Variants in TMTC1 observed in about 807,000 individuals in gnomAD.
TMTC1 encodes the protein protein O-mannosyl-transferase TMTC1.
A neutral mutation model predicts 104.8 loss-of-function variants in TMTC1; 73 were observed. That is an observed-to-expected ratio of 0.70 (90% CI 0.58 to 0.85). TMTC1 has a LOEUF of 0.85. TMTC1 is among the 40% of genes least tolerant of loss of function. TMTC1 has a pLI of 0.00. For missense variants in TMTC1, 1,035 were observed against 1,096.1 expected (o/e 0.94, Z 0.79); for synonymous variants, 434 against 428.7 (o/e 1.01, Z -0.15).
intron 2 of TMTC1, among the ~76,000 whole-genome samples, chr12:29,764,294 T>A (rs1427545144): frequency 6.6e-6 from 1 of 152,202 alleles, no homozygotes; most frequent in East Asian, 1.9e-4. Flanking sequence ...TAGAAACCTG[T>A]CTTTGGAATA....
intron 5 of TMTC1, among the ~76,000 whole-genome samples, chr12:29,686,769 A>G (rs1009299274): frequency 2.0e-5 from 3 of 152,256 alleles, no homozygotes; most frequent in Admixed American, 6.5e-5. Flanking sequence ...TAGAAGTCAG[A>G]CAATCATCTT....
At chr12:29,781,039 T>C (rs1354801594) in intron 1 of TMTC1, among the ~76,000 whole-genome samples, 3 of 152,228 alleles carry the variant, frequency 2.0e-5, no homozygotes, top group Non-Finnish European at 4.4e-5. Flanking sequence ...GAATAGTTAA[T>C]AAATACGGCT....
intron 10 of TMTC1, among the ~76,000 whole-genome samples, chr12:29,547,430 G>A (rs566573537): frequency 6.6e-6 from 1 of 152,296 alleles, no homozygotes; most frequent in East Asian, 1.9e-4. Flanking sequence ...CACAAAAATA[G>A]TTTAATCATT....
intron 5 of TMTC1, among the ~76,000 whole-genome samples, chr12:29,702,427 T>G (rs1941620917): frequency 6.6e-6 from 1 of 152,220 alleles, no homozygotes; most frequent in Non-Finnish European, 1.5e-5. Context: ...GTGGTTGGAC[T>G]TGGGCCTCCA....
chr12:29,549,137 T>G (rs888037157), intron 10 of TMTC1, among the ~76,000 whole-genome samples: 1 of 150,680 alleles, frequency 6.6e-6, no homozygotes, highest in African/African-American at 2.4e-5. Context: ...AACCCATACC[T>G]GTAAACAAAC....
intron 5 of TMTC1, among the ~76,000 whole-genome samples, chr12:29,697,503 G>A (rs1186597345): frequency 6.6e-6 from 1 of 152,202 alleles, no homozygotes; most frequent in Non-Finnish European, 1.5e-5. Context: ...CAGAGAAACA[G>A]AACCAAAGGA....
chr12:29,723,816 A>G (rs528650474), intron 5 of TMTC1, among the ~76,000 whole-genome samples: 6 of 152,340 alleles, frequency 3.9e-5, no homozygotes, highest in African/African-American at 1.4e-4. Flanking sequence ...TCAGTAGTAA[A>G]GAACTGGAGC....
intron 5 of TMTC1, among the ~76,000 whole-genome samples, chr12:29,742,090 G>A (rs904777428): frequency 6.2e-4 from 92 of 149,268 alleles, no homozygotes; most frequent in African/African-American, 1.8e-3. Flanking sequence ...TGAAAACTAT[G>A]AAAAAAAAAA....
At chr12:29,518,741 T>C (rs1381517413) in intron 12 of TMTC1, 134 bp from the exon 13 acceptor site, 3 of 1,130,968 alleles carry the variant, frequency 2.7e-6, no homozygotes, top group East Asian at 2.5e-5. Flanking sequence ...ATATGCAAAT[T>C]AGCTTGCATT....
chr12:29,596,900 C>T (rs1946418332), intron 7 of TMTC1, among the ~76,000 whole-genome samples: 1 of 152,214 alleles, frequency 6.6e-6, no homozygotes, highest in Non-Finnish European at 1.5e-5. Context: ...CCATCCTTAC[C>T]AGTCATGGCT....
intron 7 of TMTC1, among the ~76,000 whole-genome samples, chr12:29,596,981 A>G (rs569883349): frequency 4.6e-5 from 7 of 152,266 alleles, no homozygotes; most frequent in Non-Finnish European, 7.4e-5. Context: ...CTGCTTAGAT[A>G]TTAGGCTTCA....
intron 6 of TMTC1, among the ~76,000 whole-genome samples, chr12:29,604,851 C>T (rs1057306991): frequency 6.6e-6 from 1 of 152,144 alleles, no homozygotes; most frequent in Non-Finnish European, 1.5e-5. Context: ...ACCTTCACAC[C>T]TCTCAAATTA....
At chr12:29,681,224 T>G (rs1940908921) in intron 5 of TMTC1, among the ~76,000 whole-genome samples, 1 of 151,930 alleles carries the variant, frequency 6.6e-6, no homozygotes, top group African/African-American at 2.4e-5. Context: ...ATTTGAACAT[T>G]AGTAAGAATA....
intron 17 of TMTC1, among the ~76,000 whole-genome samples, 179 bp from the exon 18 acceptor site, chr12:29,507,165 T>G (rs191351411): frequency 6.6e-6 from 1 of 152,172 alleles, no homozygotes; most frequent in African/African-American, 2.4e-5. Context: ...CTCCATTTGT[T>G]TTAAGCACTA....
chr12:29,637,576 A>C (rs1326714182), intron 5 of TMTC1, among the ~76,000 whole-genome samples: 1 of 152,198 alleles, frequency 6.6e-6, no homozygotes, highest in Non-Finnish European at 1.5e-5. Context: ...AGGGAAAGGC[A>C]AGCTGGAGCT....
chr12:29,702,602 C>T (rs774244511), intron 5 of TMTC1, among the ~76,000 whole-genome samples: 32 of 152,290 alleles, frequency 2.1e-4, no homozygotes, highest in Non-Finnish European at 3.5e-4. Context: ...GTTCCACCAC[C>T]GCTTTTCCAC....
intron 7 of TMTC1, among the ~76,000 whole-genome samples, chr12:29,603,273 T>C (rs953113822): frequency 6.6e-6 from 1 of 152,140 alleles, no homozygotes; most frequent in African/African-American, 2.4e-5. Context: ...CTTCTAATTA[T>C]AAGTGTTTTA....
chr12:29,671,078 G>A (rs1224627084), intron 5 of TMTC1, among the ~76,000 whole-genome samples: 1 of 151,504 alleles, frequency 6.6e-6, no homozygotes, highest in Non-Finnish European at 1.5e-5. Flanking sequence ...CGGATCACGA[G>A]GTCAGGGGTG....
rs1315787605 is a variant in TMTC1, at chr12:29,746,707, C to T, written c.938+4959G>A. Among the ~76,000 whole-genome samples, 3 of 152,190 alleles carry T rather than the reference C, an allele frequency of 2.0e-5. No individual in the cohort carries two copies. In the East Asian group the frequency reaches 5.8e-4, roughly 29 times the overall value. On this transcript the variant is annotated intron_variant, in intron 5 of 17. Coordinates refer to ENST00000539277, the MANE Select transcript of TMTC1 (RefSeq NM_001193451.2). ...AATTACCTTATAATTCACTTTAGTG[C>T]CAAACTGTTCTCTAGTCCTAAACTT...
Sources: gnomAD v4.1 joint callset for allele counts (sites outside exome capture counted in the v4.1 genomes callset) on GRCh38, gnomAD v4.1.1 for gene constraint, MANE v1.5 for transcripts, NCBI Gene and HGNC (gene_info 2026-07-23, HGNC 2026-07-21) for gene names.